NOSTRIN: variants seen among roughly 807,000 people sequenced by gnomAD.
NOSTRIN encodes the protein BM247 homolog.
A neutral mutation model predicts 59.0 loss-of-function variants in NOSTRIN; 63 were observed. The observed-to-expected ratio is 1.07, with a 90% CI of 0.87 to 1.32. NOSTRIN has a LOEUF of 1.32. Among genes scored for constraint, NOSTRIN ranks in the 40% most tolerant of loss-of-function variants. The pLI is 0.00. For missense variants in NOSTRIN, 512 were observed against 473.1 expected (o/e 1.08, Z -0.76); for synonymous variants, 200 against 165.4 (o/e 1.21, Z -1.61).
At chr2:168,793,750 C>G (rs949733444), upstream of NOSTRIN, among the ~76,000 whole-genome samples, 25 of 152,208 alleles carry the variant, frequency 1.6e-4, no homozygotes, top group Non-Finnish European at 3.4e-4. Flanking sequence ...ATTATCTGGC[C>G]TCTGAGTATC....
Position 168,864,983 on chromosome 2 carries a change from A to G in NOSTRIN, c.*13A>G, listed in dbSNP as rs375288149. 6.1e-5 allele frequency: 98 copies of G among 1,613,526 alleles called. No homozygotes were observed. The highest frequency in any genetic ancestry group is 7.9e-5 in the Non-Finnish European group (93 of 1,179,852). On this transcript the variant is annotated 3_prime_UTR_variant, in exon 16 of 16. Coordinates refer to ENST00000317647, the MANE Select transcript of NOSTRIN (RefSeq NM_001039724.4). ...TACAAAGGCATAAAACAAGACTCTG[A>G]ACATACTACCTTCACACTCGGTAAT...
chr2:168,830,073 G>T (rs1687281332), intron 5 of NOSTRIN, among the ~76,000 whole-genome samples: 1 of 152,156 alleles, frequency 6.6e-6, no homozygotes. Flanking sequence ...AACTTGATAG[G>T]AATTGCTAGC....
intron 2 of NOSTRIN, among the ~76,000 whole-genome samples, chr2:168,813,608 AG>A (rs746891951): frequency 2.6e-5 from 4 of 152,132 alleles, no homozygotes; most frequent in Non-Finnish European, 5.9e-5. Flanking sequence ...CACTTATTCT[AG>A]AGTGACAAAC....
intron 8 of NOSTRIN, among the ~76,000 whole-genome samples, chr2:168,845,981 A>G (rs1348722292): frequency 6.6e-6 from 1 of 151,920 alleles, no homozygotes; most frequent in Admixed American, 6.6e-5. Context: ...CCTTCCTCTG[A>G]GTTCTCTCCT....
chr2:168,856,817 G>A, intron 12 of NOSTRIN, 39 bp downstream of exon 12: 1 of 1,575,014 alleles, frequency 6.3e-7, no homozygotes, highest in Non-Finnish European at 8.7e-7. Flanking sequence ...ATGTAGTGAT[G>A]AAAAGGGTTA....
chr2:168,856,432 G>C (rs181464255), intron 11 of NOSTRIN: 2 of 418,140 alleles, frequency 4.8e-6, no homozygotes, highest in Admixed American at 7.7e-5. Context: ...AAAATTAGCC[G>C]GACATGGTGG....
intron 4 of NOSTRIN, 86 bp downstream of exon 4, chr2:168,828,306 C>T: frequency 1.2e-6 from 1 of 869,214 alleles, no homozygotes; most frequent in Non-Finnish European, 2.0e-6. Flanking sequence ...CCACTTCCAA[C>T]TTGCACTGAA....
chr2:168,856,740 G>A lies in NOSTRIN; in HGVS notation c.1015G>A (p.Ala339Thr). The change falls in exon 12 of 16, where the codon GCA (alanine) becomes ACA (threonine). Residue 339 changes from alanine (A) to threonine (T), a missense_variant. Transcript: ENST00000317647. Reference protein sequence around the residue: ...TYSSTSSFSDAKSQKDTAALM... With the variant: ...TYSSTSSFSDTKSQKDTAALM... ...CTCCAGCACCTCCTCCTTCTCTGAT[G>A]CAAAGAGCCAGAAAGACACAGCAGC... 1 of 1,614,186 alleles carries A rather than the reference G, an allele frequency of 6.2e-7. No homozygotes were observed. The highest frequency in any genetic ancestry group is 8.5e-7 in the Non-Finnish European group (1 of 1,180,018).
intron 12 of NOSTRIN, 130 bp downstream of exon 12, chr2:168,856,908 C>T (rs908573098): frequency 1.5e-5 from 11 of 750,698 alleles, no homozygotes; most frequent in Non-Finnish European, 2.4e-5. Flanking sequence ...AGTGGGGGAG[C>T]TTATAGGGTC....
chr2:168,799,938 G>A (rs1016834231), upstream of NOSTRIN, among the ~76,000 whole-genome samples: 3 of 152,332 alleles, frequency 2.0e-5, no homozygotes, highest in East Asian at 3.9e-4. Context: ...TTATGAAGTG[G>A]AAGCTCTCCT....
intron 8 of NOSTRIN, among the ~76,000 whole-genome samples, chr2:168,850,334 C>CT (rs764295592): frequency 1.3e-5 from 2 of 152,164 alleles, no homozygotes; most frequent in East Asian, 3.8e-4. Context: ...AATAAAGAGG[C>CT]TATGTGTCTA....
intron 1 of NOSTRIN, among the ~76,000 whole-genome samples, chr2:168,803,475 G>A (rs896138170): frequency 1.3e-5 from 2 of 152,292 alleles, no homozygotes; most frequent in Admixed American, 1.3e-4. Context: ...AACACAAACT[G>A]TGGGGCGGCA....
upstream of NOSTRIN, chr2:168,802,607 G>A: frequency 1.2e-6 from 1 of 863,906 alleles, no homozygotes; most frequent in Non-Finnish European, 2.0e-6. Context: ...CCAGAATGCT[G>A]GAGCGTAGGT....
At chr2:168,794,243 A>G (rs1269149557), upstream of NOSTRIN, among the ~76,000 whole-genome samples, 1 of 152,198 alleles carries the variant, frequency 6.6e-6, no homozygotes, top group East Asian at 1.9e-4. Context: ...AAAATGCTAC[A>G]GAGAGGCAAA....
At chr2:168,801,715 G>C (rs1336119998), upstream of NOSTRIN, among the ~76,000 whole-genome samples, 1 of 152,180 alleles carries the variant, frequency 6.6e-6, no homozygotes, top group East Asian at 1.9e-4. Context: ...CTAGCAAATG[G>C]CTGTCGTACA....
At chr2:168,801,563 AG>A (rs1685615742), upstream of NOSTRIN, among the ~76,000 whole-genome samples, 1 of 152,156 alleles carries the variant, frequency 6.6e-6, no homozygotes, top group African/African-American at 2.4e-5. Context: ...CACCAGGGGC[AG>A]GTGAATGGAG....
At chr2:168,842,902 T>A in intron 7 of NOSTRIN, 90 bp from the exon 8 acceptor site, 1 of 790,514 alleles carries the variant, frequency 1.3e-6, no homozygotes. Flanking sequence ...GAGAAACATA[T>A]CATTGAGCCA....
chr2:168,860,859 T>A lies in NOSTRIN; in HGVS notation c.1244T>A (p.Val415Glu). The change falls in exon 14 of 16, where the codon GTG (valine) becomes GAG (glutamate). Residue 415 changes from valine to glutamate, a missense_variant. Physicochemically the swap from Val to Glu is moderately radical, Grantham distance 121 (BLOSUM62 -2). Transcript: ENST00000317647. The part of the protein sequence containing the change: ...PFLMKRLENI[V>E]SKASSGGQSN... Reference sequence around the variant, plus strand: ...TTAATGAAGAGATTAGAGAATATTGTGAGCAAGGCATCTTCTGGTGGGCAG... The same window carrying A: ...TTAATGAAGAGATTAGAGAATATTGAGAGCAAGGCATCTTCTGGTGGGCAG... 6.2e-7 allele frequency: 1 copy of A among 1,614,104 alleles called. No individual in the cohort carries two copies. Among genetic ancestry groups the A allele is most frequent in the Non-Finnish European group, 8.5e-7 (1 of 1,179,998 alleles).
chr2:168,810,601 G>A (rs1010614002), intron 1 of NOSTRIN, among the ~76,000 whole-genome samples: 4 of 152,112 alleles, frequency 2.6e-5, no homozygotes, highest in African/African-American at 9.7e-5. Flanking sequence ...GAATGCTGGC[G>A]ATATTTGAAC....
Sources: allele counts gnomAD v4.1 joint callset (sites outside exome capture counted in the v4.1 genomes callset), GRCh38; gene constraint gnomAD v4.1.1; transcripts MANE v1.5; gene names NCBI Gene and HGNC (gene_info 2026-07-23, HGNC 2026-07-21).